Variants in PCLO observed in about 807,000 individuals in gnomAD.
PCLO encodes protein piccolo.
Under a neutral mutation model 427.5 loss-of-function variants are expected in PCLO, and 82 were observed. That is an observed-to-expected ratio of 0.19 (90% CI 0.16 to 0.23). PCLO has a LOEUF of 0.23. PCLO is among the 10% of genes least tolerant of loss of function. PCLO has a pLI of 1.00. For synonymous variants in PCLO, 2,357 were observed against 2,155.4 expected, an observed-to-expected ratio of 1.09 and a Z score of -2.59; for missense variants, 6,239 against 6,115.9, an observed-to-expected ratio of 1.02 and a Z score of -0.67.
chr7:82,888,788 C>G (rs967160181), intron 9 of PCLO, among the ~76,000 whole-genome samples: 1 of 151,848 alleles, frequency 6.6e-6, no homozygotes, highest in Non-Finnish European at 1.5e-5. Flanking sequence ...ACAAAACAAA[C>G]AAAATAAAAA....
chr7:82,859,737 A>G (rs2115903367), intron 10 of PCLO, among the ~76,000 whole-genome samples: 1 of 152,348 alleles, frequency 6.6e-6, no homozygotes, highest in Admixed American at 6.5e-5. Flanking sequence ...TAAGGCACCA[A>G]GAAACAATCC....
intron 3 of PCLO, among the ~76,000 whole-genome samples, chr7:83,038,090 T>G: frequency 1.3e-5 from 1 of 78,198 alleles, no homozygotes; most frequent in East Asian, 1.1e-3. Flanking sequence ...TATATCTTTA[T>G]ATATATATAT....
chr7:83,112,823 A>T (rs898091666), intron 3 of PCLO, among the ~76,000 whole-genome samples: 3 of 152,222 alleles, frequency 2.0e-5, no homozygotes, highest in African/African-American at 7.2e-5. Flanking sequence ...ACAGCAATGC[A>T]TGTGTTTTCA....
At chr7:82,960,143 C>T (rs536609777) in intron 4 of PCLO, among the ~76,000 whole-genome samples, 1 of 152,264 alleles carries the variant, frequency 6.6e-6, no homozygotes, top group Non-Finnish European at 1.5e-5. Flanking sequence ...AGAAAGGATG[C>T]AGTGTTAAGT....
intron 3 of PCLO, among the ~76,000 whole-genome samples, chr7:83,100,613 G>A (rs1173504474): frequency 1.3e-5 from 2 of 152,016 alleles, no homozygotes; most frequent in East Asian, 3.9e-4. Context: ...ATGAGAACAC[G>A]TGCTCACATA....
intron 10 of PCLO, among the ~76,000 whole-genome samples, chr7:82,876,201 T>A (rs1584087438): frequency 6.6e-6 from 1 of 152,026 alleles, no homozygotes; most frequent in Admixed American, 6.6e-5. Context: ...AACTTTAAAC[T>A]ATGAAATGTT....
chr7:83,016,183 A>T (rs572073267), intron 3 of PCLO, among the ~76,000 whole-genome samples: 6 of 152,256 alleles, frequency 3.9e-5, no homozygotes, highest in Admixed American at 2.6e-4. Context: ...AGATGGACTG[A>T]CTAAGAATTA....
At chr7:82,762,474 G>C (rs886569290) in intron 22 of PCLO, among the ~76,000 whole-genome samples, 1 of 152,034 alleles carries the variant, frequency 6.6e-6, no homozygotes, top group Admixed American at 6.6e-5. Context: ...CATGGCTGTA[G>C]ATAATTTATT....
chr7:82,849,631 T>C (rs1353460855), intron 10 of PCLO, among the ~76,000 whole-genome samples: 2 of 152,170 alleles, frequency 1.3e-5, no homozygotes, highest in Non-Finnish European at 1.5e-5. Context: ...AAAGAGGTTC[T>C]AGTAGTTGTG....
In PCLO at chr7:83,134,392, G is replaced by A. The variant is rs963729950; in HGVS notation, c.3158C>T (p.Pro1053Leu). 2 of 1,613,580 alleles carry A rather than the reference G, an allele frequency of 1.2e-6. No individual in the cohort carries two copies. The highest frequency in any genetic ancestry group is 1.7e-6 in the Non-Finnish European group (2 of 1,179,848). ...AVLPTKLEKS[P>L]KPESTCPLCK... ...GAGAGGACAGGTTGATTCTGGTTTG[G>A]GCGATTTCTCCAGTTTTGTGGGAAG... The change falls in exon 3 of 25, where the codon CCC (proline) becomes CTC (leucine). Residue 1053 changes from proline (P) to leucine (L), a missense_variant. By Grantham distance (98) the Pro-to-Leu change is moderately conservative. This residue lies in a region of PCLO where 4,677 missense variants were observed against 4,468.4 expected (regional missense o/e 1.05). Coordinates refer to ENST00000333891, the MANE Select transcript of PCLO (RefSeq NM_033026.6).
Position 82,915,803 on chromosome 7 carries a change from T to C in PCLO, c.12183A>G (p.Ala4061=), listed in dbSNP as rs751290000. 1 of 1,613,046 alleles carries C rather than the reference T, an allele frequency of 6.2e-7. No individual in the cohort carries two copies. Among genetic ancestry groups the C allele is most frequent in the Non-Finnish European group, 8.5e-7 (1 of 1,179,452 alleles). The change falls in exon 7 of 25, where the codon GCA becomes GCG. Residue 4061 remains alanine, a synonymous_variant. Coordinates refer to ENST00000333891, the MANE Select transcript of PCLO (RefSeq NM_033026.6). Reference sequence around the variant, plus strand: ...CATGAAGGCTAAATGCGGTGCTTAATGCCGCTGTTCCTTTGGTGATCTCTC... The same window carrying C: ...CATGAAGGCTAAATGCGGTGCTTAACGCCGCTGTTCCTTTGGTGATCTCTC... ...DIGEITKGTA[A]LSTAFSLHEK...
chr7:83,020,661 T>C (rs2116054629), intron 3 of PCLO, among the ~76,000 whole-genome samples: 1 of 152,320 alleles, frequency 6.6e-6, no homozygotes, highest in Admixed American at 6.5e-5. Context: ...AATAAACTTC[T>C]GTTGTTTATA....
rs773928456 is a variant in PCLO at position 82,954,685 on chromosome 7, C to T, written c.6268G>A (p.Asp2090Asn). ...AAGTCCATGGTGGACTCTGTCATAT[C>T]CTCACCAATGGGGGCCTGGGTTGGG... ...SSPTQAPIGE[D>N]MTESTMDFDR... The change falls in exon 5 of 25, where the codon GAT becomes AAT. Residue 2090 changes from aspartate (D) to asparagine (N), a missense_variant. This residue lies in a region of PCLO where 4,677 missense variants were observed against 4,468.4 expected (regional missense o/e 1.05). Coordinates refer to ENST00000333891, the MANE Select transcript of PCLO (RefSeq NM_033026.6). 5 of 1,613,926 alleles carry T rather than the reference C, an allele frequency of 3.1e-6. No homozygotes were observed. In the Admixed American group the frequency reaches 8.3e-5, roughly 27 times the overall value.
intron 3 of PCLO, among the ~76,000 whole-genome samples, chr7:82,985,394 T>C (rs946005739): frequency 6.6e-6 from 1 of 152,080 alleles, no homozygotes; most frequent in Non-Finnish European, 1.5e-5. Context: ...TTCAGGAATA[T>C]TCTGTGACAG....
Position 82,952,837 on chromosome 7 carries a change from C to T in PCLO, c.8116G>A (p.Asp2706Asn), listed in dbSNP as rs1795392982. 1.2e-6 allele frequency: 2 copies of T among 1,613,672 alleles called. No individual in the cohort carries two copies. The highest frequency in any genetic ancestry group is 1.7e-6 in the Non-Finnish European group (2 of 1,179,648). The change falls in exon 5 of 25, where the codon GAT (aspartate) becomes AAT (asparagine). Residue 2706 changes from aspartate to asparagine, a missense_variant. This residue lies in a region of PCLO where 4,677 missense variants were observed against 4,468.4 expected (regional missense o/e 1.05). Coordinates refer to ENST00000333891, the MANE Select transcript of PCLO (RefSeq NM_033026.6). ...TGAGGCTTCTCTAAATGTATGTTAT[C>T]TAGAGCAAGAGGCTCTGGAGGAATT... ...ITIPPEPLAL[D>N]NIHLEKPQYK...
At position 83,079,461 on chromosome 7, in the gene PCLO, G is replaced by C. The variant is rs1025844877; in HGVS notation, c.3300+54789C>G. ...TGAGGGGGAGGAGAAGGAAGAAGAA[G>C]AAGAAGAAAAGAAAAACTCTTCTTT... is the stretch of plus-strand genomic sequence containing the variant. On this transcript the variant is annotated intron_variant, in intron 3 of 24. Coordinates refer to ENST00000333891, the MANE Select transcript of PCLO (RefSeq NM_033026.6). 3.9e-4 allele frequency among the ~76,000 whole-genome samples: 60 copies of C among 152,180 alleles called. 1 individual carries two copies. The highest frequency in any genetic ancestry group is 1.4e-3 in the African/African-American group (58 of 41,516).
intron 10 of PCLO, among the ~76,000 whole-genome samples, 155 bp from the exon 11 acceptor site, chr7:82,847,402 C>T (rs1792531941): frequency 6.6e-6 from 1 of 152,120 alleles, no homozygotes; most frequent in Admixed American, 6.6e-5. Context: ...AATACCAAAA[C>T]CATTATGTAG....
At chr7:82,981,651 T>G (rs1328398807) in intron 3 of PCLO, among the ~76,000 whole-genome samples, 1 of 152,016 alleles carries the variant, frequency 6.6e-6, no homozygotes, top group Non-Finnish European at 1.5e-5. Flanking sequence ...TCTCAGGTAG[T>G]CTGCATAATT....
intron 3 of PCLO, among the ~76,000 whole-genome samples, chr7:82,998,277 A>C (rs1168442520): frequency 6.6e-6 from 1 of 151,960 alleles, no homozygotes; most frequent in African/African-American, 2.4e-5. Context: ...CTAGGTTTTC[A>C]CAGTAAATAT....
Sources: gnomAD v4.1 joint callset for allele counts (sites outside exome capture counted in the v4.1 genomes callset) on GRCh38, gnomAD v4.1.1 for gene constraint, gnomAD v4.1.1 regional missense constraint, MANE v1.5 for transcripts, NCBI Gene and HGNC (gene_info 2026-07-23, HGNC 2026-07-21) for gene names.